Variants in KDM4C observed in about 807,000 individuals in gnomAD.
The protein encoded by KDM4C is lysine-specific demethylase 4C.
Under a neutral mutation model 129.3 loss-of-function variants are expected in KDM4C, and 81 were observed. The observed-to-expected ratio is 0.63, with a 90% confidence interval of 0.52 to 0.75. The LOEUF (loss-of-function observed/expected upper bound fraction) is 0.75. Among genes scored for constraint, KDM4C ranks in the 30% least tolerant of loss-of-function variants. The pLI is 0.00. For missense variants in KDM4C, 1,457 were observed against 1,304.0 expected (o/e 1.12, Z -1.81); for synonymous variants, 573 against 456.1 (o/e 1.26, Z -3.26).
intron 3 of KDM4C, among the ~76,000 whole-genome samples, chr9:6,807,784 G>A (rs912921920): frequency 7.4e-6 from 1 of 136,034 alleles, no homozygotes; most frequent in East Asian, 2.1e-4. Flanking sequence ...CCGTCTGGGA[G>A]GGAGGTGGGG....
At chr9:6,770,232 C>A (rs1821484241) in intron 1 of KDM4C, among the ~76,000 whole-genome samples, 2 of 149,076 alleles carry the variant, frequency 1.3e-5, no homozygotes, top group Admixed American at 1.3e-4. Context: ...AAAAAAAGAA[C>A]CCCGTGTGTT....
At chr9:6,783,746 G>A (rs1177429359) in intron 1 of KDM4C, among the ~76,000 whole-genome samples, 1 of 152,118 alleles carries the variant, frequency 6.6e-6, no homozygotes. Context: ...CAGAAGGGTT[G>A]GTAAGAGGAC....
chr9:7,127,771 G>A lies in KDM4C; in HGVS notation c.2611-295G>A, dbSNP rs1483548706. ...TATTTGCATATACACATACACGTGT[G>A]TATATATATACATACATATTGTTTT... is the stretch of plus-strand genomic sequence containing the variant. On this transcript the variant is annotated intron_variant, in intron 18 of 21. Coordinates refer to ENST00000381309, the MANE Select transcript of KDM4C (RefSeq NM_015061.6). The A allele has an allele frequency of 3.1e-5, 7 of 225,878 alleles. No homozygotes were observed. In the East Asian group the frequency reaches 7.0e-4, roughly 23 times the overall value. The allele number at this position is 225,878 out of a possible 1,614,324, so 14.0% of individuals were successfully genotyped here. A position where few individuals can be genotyped will look rare whatever the true frequency, so the allele number is the denominator to read the frequency against.
chr9:6,924,249 C>G (rs1033807540), intron 8 of KDM4C, among the ~76,000 whole-genome samples: 1 of 152,148 alleles, frequency 6.6e-6, no homozygotes, highest in African/African-American at 2.4e-5. Context: ...ATGGTGTGGA[C>G]TAGTTTAATA....
intron 17 of KDM4C, among the ~76,000 whole-genome samples, chr9:7,087,835 C>G (rs185078736): frequency 6.6e-6 from 1 of 152,144 alleles, no homozygotes; most frequent in African/African-American, 2.4e-5. Context: ...ATAGCTTCTA[C>G]AATTATTTAA....
rs527498571 is a variant in KDM4C, at chr9:7,059,257, C to A, written c.2424+10057C>A. Among the ~76,000 whole-genome samples the A allele has an allele frequency of 5.9e-5, 9 of 152,204 alleles. No individual in the cohort carries two copies. The East Asian group carries it at 1.4e-3, about 23-fold the overall frequency. ...CTGTATCTCCTGGGCTTAAGCGATC[C>A]TCCCACCTCATTTTTAAATTTTTTT... On this transcript the variant is annotated intron_variant, in intron 17 of 21. Transcript: ENST00000381309.
At chr9:6,957,644 A>G (rs17511776) in intron 8 of KDM4C, among the ~76,000 whole-genome samples, 27 of 151,986 alleles carry the variant, frequency 1.8e-4, no homozygotes, top group Admixed American at 4.6e-4. Context: ...GATATTTTCT[A>G]TTGGTTGCAC....
chr9:7,103,511 T>C (rs1194173050), intron 17 of KDM4C, among the ~76,000 whole-genome samples, 174 bp from the exon 18 acceptor site: 7 of 152,194 alleles, frequency 4.6e-5, no homozygotes, highest in South Asian at 2.1e-4. Context: ...AGAAAGTAGA[T>C]TACATTGCCA....
chr9:6,889,847 G>A (rs1845869791), intron 7 of KDM4C, among the ~76,000 whole-genome samples: 1 of 152,222 alleles, frequency 6.6e-6, no homozygotes, highest in East Asian at 1.9e-4. Context: ...CCTTTCCCCA[G>A]GAGGGAGGCC....
At chr9:6,995,724 T>G (rs1199425695) in intron 12 of KDM4C, among the ~76,000 whole-genome samples, 1 of 151,938 alleles carries the variant, frequency 6.6e-6, no homozygotes, top group South Asian at 2.1e-4. Context: ...CAGGCTGGAG[T>G]GCAGTGGCGC....
At chr9:7,023,871 T>G (rs748346345) in intron 15 of KDM4C, among the ~76,000 whole-genome samples, 10 of 152,232 alleles carry the variant, frequency 6.6e-5, no homozygotes, top group Non-Finnish European at 1.3e-4. Context: ...AATTTCCTTC[T>G]TAGTTTCTAC....
chr9:6,860,245 C>T (rs560699591), intron 5 of KDM4C, among the ~76,000 whole-genome samples: 68 of 152,178 alleles, frequency 4.5e-4, no homozygotes, highest in Non-Finnish European at 6.8e-4. Context: ...GAACCAACAC[C>T]GTTTGTTTGC....
At chr9:6,933,275 C>T (rs879260262) in intron 8 of KDM4C, among the ~76,000 whole-genome samples, 5 of 152,132 alleles carry the variant, frequency 3.3e-5, no homozygotes, top group Non-Finnish European at 5.9e-5. Flanking sequence ...AGGTTCTAAG[C>T]CCCTTGGTTT....
intron 5 of KDM4C, among the ~76,000 whole-genome samples, chr9:6,855,758 A>G (rs1369854016): frequency 6.6e-6 from 1 of 152,208 alleles, no homozygotes; most frequent in African/African-American, 2.4e-5. Flanking sequence ...ATATAATTCA[A>G]GTCTTACTTT....
chr9:7,060,429 G>T (rs559397369), intron 17 of KDM4C, among the ~76,000 whole-genome samples: 15 of 149,298 alleles, frequency 1.0e-4, no homozygotes, highest in African/African-American at 3.4e-4. Context: ...TTCTAAATCA[G>T]GGATGACTTT....
chr9:7,108,847 A>G (rs1240788384), intron 18 of KDM4C, among the ~76,000 whole-genome samples: 1 of 152,216 alleles, frequency 6.6e-6, no homozygotes, highest in Non-Finnish European at 1.5e-5. Context: ...CTTATCCTGT[A>G]TTGTATTGTA....
At chr9:6,886,274 T>C (rs2130829632) in intron 6 of KDM4C, among the ~76,000 whole-genome samples, 1 of 152,220 alleles carries the variant, frequency 6.6e-6, no homozygotes, top group African/African-American at 2.4e-5. Context: ...AGAGACATTG[T>C]AAAGAATTAA....
intron 1 of KDM4C, among the ~76,000 whole-genome samples, chr9:6,749,420 C>T (rs1325135219): frequency 2.6e-5 from 4 of 152,136 alleles, no homozygotes; most frequent in Non-Finnish European, 5.9e-5. Context: ...GTATCTTTCT[C>T]ATGATGGGGC....
intron 1 of KDM4C, among the ~76,000 whole-genome samples, chr9:6,778,691 C>T (rs1045024054): frequency 1.2e-4 from 18 of 151,912 alleles, no homozygotes; most frequent in Non-Finnish European, 2.5e-4. Context: ...CTCTTGAACC[C>T]AGGAAGCGGA....
Sources: gnomAD v4.1 joint callset for allele counts (sites outside exome capture counted in the v4.1 genomes callset) on GRCh38, gnomAD v4.1.1 for gene constraint, MANE v1.5 for transcripts, NCBI Gene and HGNC (gene_info 2026-07-23, HGNC 2026-07-21) for gene names.